PSD3: variants seen among roughly 807,000 people sequenced by gnomAD.
The protein encoded by PSD3 is PH and SEC7 domain-containing protein 3.
A neutral mutation model predicts 105.5 loss-of-function variants in PSD3; 49 were observed. That is an observed-to-expected ratio of 0.46 (90% CI 0.37 to 0.59). The LOEUF is 0.59. PSD3 is among the 20% of genes least tolerant of loss of function. The pLI is 0.00. For missense variants in PSD3, 1,561 were observed against 1,263.8 expected (o/e 1.24, Z -3.57); for synonymous variants, 557 against 457.8 (o/e 1.22, Z -2.77).
At chr8:18,848,031 G>T (rs936597250) in intron 4 of PSD3, among the ~76,000 whole-genome samples, 1 of 152,106 alleles carries the variant, frequency 6.6e-6, no homozygotes, top group Non-Finnish European at 1.5e-5. Context: ...AAAGAAAAGA[G>T]GGGAAGGAAC....
intron 1 of PSD3, among the ~76,000 whole-genome samples, chr8:18,970,911 G>A (rs548333881): frequency 8.7e-5 from 13 of 148,704 alleles, no homozygotes; most frequent in Admixed American, 7.3e-4. Context: ...CCCAGGAGGC[G>A]GAGGTTACAG....
rs869154642 is a variant in PSD3 at position 19,073,550 on chromosome 8, C to CA, written c.324+10655dup. On this transcript the variant is annotated intron_variant, in intron 1 of 1. Coordinates refer to the PSD3 transcript ENST00000521475. The stretch of plus-strand genomic sequence containing the variant: ...TGGGCGACAGAGTGAAACTGTCTCT[C>CA]AAAAAAAAAAAAAAAAAAAAAAAAA... 4.8e-3 allele frequency among the ~76,000 whole-genome samples: 333 copies of CA among 69,152 alleles called. 19 individuals are homozygous for CA. Among genetic ancestry groups the CA allele is most frequent in the African/African-American group, 0.018 (295 of 16,274 alleles). 45.4% of individuals were successfully genotyped at this position (69,152 alleles called of 152,430 possible).
intron 14 of PSD3, among the ~76,000 whole-genome samples, chr8:18,572,155 T>C (rs1331840417): frequency 2.0e-5 from 3 of 152,190 alleles, no homozygotes; most frequent in African/African-American, 7.2e-5. Flanking sequence ...ACTAAACACA[T>C]CCTGGAATAT....
rs1799657912 is a variant in PSD3 at position 18,532,116 on chromosome 8, TA to T, written c.*3626del. 6 of 152,180 alleles carry T rather than the reference TA, an allele frequency of 3.9e-5. No individual in the cohort carries two copies. In the South Asian group the frequency reaches 1.2e-3, roughly 32 times the overall value. 9.4% of individuals were successfully genotyped at this position (152,180 alleles called of 1,614,324 possible). ...TTTCTTCCAATTGTCAATGATTAGTTAAAAAGAAAAGAGTGCAGCTCATGAC... is the reference window on the plus strand; with the variant it reads ...TTTCTTCCAATTGTCAATGATTAGTTAAAAGAAAAGAGTGCAGCTCATGAC... On this transcript the variant is annotated 3_prime_UTR_variant, in exon 16 of 16. Transcript: ENST00000327040.
intron 11 of PSD3, among the ~76,000 whole-genome samples, chr8:18,615,917 G>A (rs747008147): frequency 4.6e-5 from 7 of 152,332 alleles, no homozygotes; most frequent in South Asian, 2.1e-4. Flanking sequence ...CAAGGCCCAC[G>A]GGCATCTTTA....
At chr8:19,082,629 A>G (rs1035386184) in intron 1 of PSD3, among the ~76,000 whole-genome samples, 3 of 152,204 alleles carry the variant, frequency 2.0e-5, no homozygotes, top group Non-Finnish European at 4.4e-5. Flanking sequence ...ACCAATTCCC[A>G]AAGTGCCTCT....
chr8:18,956,244 C>T (rs1823565544), intron 1 of PSD3, among the ~76,000 whole-genome samples: 1 of 152,118 alleles, frequency 6.6e-6, no homozygotes, highest in Non-Finnish European at 1.5e-5. Context: ...TGAAGGAAGG[C>T]TGAGGAGAAT....
intron 1 of PSD3, among the ~76,000 whole-genome samples, chr8:18,967,196 C>A (rs1824321478): frequency 6.6e-6 from 1 of 150,886 alleles, no homozygotes; most frequent in African/African-American, 2.5e-5. Flanking sequence ...ACTCTCGTTG[C>A]CCAGGCTGGA....
chr8:18,544,576 T>C (rs1800347780), intron 15 of PSD3, among the ~76,000 whole-genome samples: 2 of 152,286 alleles, frequency 1.3e-5, no homozygotes, highest in South Asian at 4.2e-4. Flanking sequence ...AAGTGTGAAT[T>C]CCGTTCTTTT....
chr8:18,574,262 C>T (rs1362381163), intron 13 of PSD3, among the ~76,000 whole-genome samples: 1 of 152,208 alleles, frequency 6.6e-6, no homozygotes, highest in Non-Finnish European at 1.5e-5. Flanking sequence ...ACGGCACCCT[C>T]TCTAGGCTGA....
intron 2 of PSD3, among the ~76,000 whole-genome samples, chr8:18,890,451 C>T (rs562053972): frequency 4.6e-5 from 7 of 152,070 alleles, no homozygotes; most frequent in Non-Finnish European, 8.8e-5. Flanking sequence ...CCAAGTGAGC[C>T]GAGAGGAGAG....
chr8:18,747,820 A>C (rs1270462182), intron 9 of PSD3, among the ~76,000 whole-genome samples: 1 of 152,164 alleles, frequency 6.6e-6, no homozygotes, highest in Admixed American at 6.5e-5. Flanking sequence ...TGAGTAAAAA[A>C]AAAAGAAAAA....
At chr8:18,982,308 T>G (rs754339053) in intron 1 of PSD3, among the ~76,000 whole-genome samples, 50 of 152,196 alleles carry the variant, frequency 3.3e-4, no homozygotes, top group Non-Finnish European at 4.4e-4. Flanking sequence ...CTGTAGCTAC[T>G]TTCTCCACTG....
intron 10 of PSD3, among the ~76,000 whole-genome samples, chr8:18,653,101 T>A (rs1808633166): frequency 6.6e-6 from 1 of 152,190 alleles, no homozygotes; most frequent in Admixed American, 6.5e-5. Flanking sequence ...AAGACTTAGT[T>A]GACCCATAAT....
At chr8:18,632,501 G>T in intron 11 of PSD3, 112 bp downstream of exon 11, 1 of 1,170,030 alleles carries the variant, frequency 8.5e-7, no homozygotes. Flanking sequence ...TCAAGAATGT[G>T]TCTATAGATA....
intron 14 of PSD3, among the ~76,000 whole-genome samples, chr8:18,570,432 C>G (rs1254864318): frequency 7.8e-6 from 1 of 128,848 alleles, no homozygotes; most frequent in Non-Finnish European, 1.6e-5. Flanking sequence ...GTCTAAAACA[C>G]CAAAAGCAAT....
intron 4 of PSD3, among the ~76,000 whole-genome samples, chr8:18,867,236 C>T (rs1817008660): frequency 6.6e-6 from 1 of 152,164 alleles, no homozygotes; most frequent in Non-Finnish European, 1.5e-5. Flanking sequence ...AGAGACTTTG[C>T]TGACTGTATA....
chr8:19,023,105 T>C (rs988578046), intron 1 of PSD3, among the ~76,000 whole-genome samples: 1 of 152,198 alleles, frequency 6.6e-6, no homozygotes, highest in Non-Finnish European at 1.5e-5. Context: ...TTGAAGGTAA[T>C]AATTCTGAAA....
chr8:18,814,033 G>C (rs1811988124), intron 4 of PSD3, among the ~76,000 whole-genome samples: 1 of 152,168 alleles, frequency 6.6e-6, no homozygotes, highest in Admixed American at 6.5e-5. Context: ...GAATACTTAG[G>C]ACAAACGTCT....
Sources: gnomAD v4.1 joint callset for allele counts (sites outside exome capture counted in the v4.1 genomes callset) on GRCh38, gnomAD v4.1.1 for gene constraint, MANE v1.5 for transcripts, NCBI Gene and HGNC (gene_info 2026-07-23, HGNC 2026-07-21) for gene names.